The following LAP3 variants were observed in gnomAD, a reference collection of about 807,000 sequenced individuals.
The protein encoded by LAP3 is leucine aminopeptidase 3.
LAP3 carries 46 observed loss-of-function variants against 58.8 expected under a neutral mutation model. That is an observed-to-expected ratio of 0.78 (90% CI 0.62 to 1.00). The LOEUF (loss-of-function observed/expected upper bound fraction) is 1.00, where lower values mean the gene tolerates loss of function less well. LAP3 is among the 50% of genes least tolerant of loss of function. The probability of loss-of-function intolerance (pLI) is 0.00; values close to 1 mark genes in which losing one functional copy is unlikely to be tolerated. For synonymous variants in LAP3, 257 were observed against 237.7 expected (o/e 1.08, Z -0.75); for missense variants, 615 against 659.1 (o/e 0.93, Z 0.73).
At chr4:17,579,125 C>A (rs1229403033) in intron 1 of LAP3, among the ~76,000 whole-genome samples, 2 of 152,130 alleles carry the variant, frequency 1.3e-5, no homozygotes, top group Non-Finnish European at 2.9e-5. Flanking sequence ...AGCTTGTATA[C>A]CTTTTTAAAC....
chr4:17,606,799 A>T, intron 11 of LAP3, 30 bp from the exon 12 acceptor site: 2 of 1,494,208 alleles, frequency 1.3e-6, no homozygotes, highest in Non-Finnish European at 1.8e-6. Flanking sequence ...TGCCTCATCC[A>T]CTCTTCCACC....
chr4:17,586,649 A>T (rs1183136252), intron 6 of LAP3, among the ~76,000 whole-genome samples: 1 of 152,066 alleles, frequency 6.6e-6, no homozygotes, highest in Non-Finnish European at 1.5e-5. Flanking sequence ...GATCAGAGGG[A>T]TGAGGGGGAC....
At chr4:17,584,850 A>T in intron 5 of LAP3, 122 bp from the exon 6 acceptor site, 6 of 928,286 alleles carry the variant, frequency 6.5e-6, no homozygotes, top group Non-Finnish European at 9.5e-6. Flanking sequence ...CCTGTGTGCC[A>T]ATTGTTTTTG....
rs916325405 is a variant in LAP3 at position 17,588,911 on chromosome 4, A to G, written c.797A>G (p.Tyr266Cys). 3.1e-6 allele frequency: 5 copies of G among 1,613,996 alleles called. No individual in the cohort carries two copies. The highest frequency in any genetic ancestry group is 3.4e-6 in the Non-Finnish European group (4 of 1,180,038). Residue 266 changes from tyrosine to cysteine, a missense_variant, in exon 7 of 13, where the codon TAC becomes TGC. By Grantham distance (194) the Tyr-to-Cys change is radical (BLOSUM62 -2). Coordinates refer to ENST00000226299, the MANE Select transcript of LAP3 (RefSeq NM_015907.3). ...CCCCCAGTCTTCTTGGAAATTCACT[A>G]CAAAGGCAGCCCCAATGCAAACGAA... is the stretch of plus-strand genomic sequence containing the variant. ...DEPPVFLEIH[Y>C]KGSPNANEPP... is the part of the protein sequence containing the mutation.
At chr4:17,583,197 C>G (rs1279757128) in intron 4 of LAP3, among the ~76,000 whole-genome samples, 4 of 152,152 alleles carry the variant, frequency 2.6e-5, no homozygotes. Flanking sequence ...AGAAATAATC[C>G]TAGGAATAAT....
chr4:17,594,283 G>GT (rs1353103896), intron 7 of LAP3, among the ~76,000 whole-genome samples: 2 of 152,318 alleles, frequency 1.3e-5, no homozygotes, highest in East Asian at 3.9e-4. Flanking sequence ...ATACAACAGC[G>GT]TGTTCCCTTT....
Position 17,607,495 on chromosome 4 carries a change from A to C in LAP3, c.1466A>C (p.Lys489Thr). 6.2e-7 allele frequency: 1 copy of C among 1,614,166 alleles called. No homozygotes were observed. Among genetic ancestry groups the C allele is most frequent in the Non-Finnish European group, 8.5e-7 (1 of 1,180,024 alleles). Residue 489 changes from lysine to threonine, a missense_variant, in exon 13 of 13, where the codon AAA (lysine) becomes ACA (threonine). Coordinates refer to ENST00000226299, the MANE Select transcript of LAP3 (RefSeq NM_015907.3). Reference protein sequence around the residue: ...HLDIAGVMTNKDEVPYLRKGM... With the variant: ...HLDIAGVMTNTDEVPYLRKGM... ...GACATAGCAGGCGTGATGACCAACA[A>C]AGATGAAGTTCCCTATCTACGGAAA...
At chr4:17,595,346 T>A in intron 7 of LAP3, 64 bp from the exon 8 acceptor site, 6 of 1,588,324 alleles carry the variant, frequency 3.8e-6, no homozygotes, top group Non-Finnish European at 5.2e-6. Flanking sequence ...CTGTACTTTT[T>A]AAATAAAGTG....
intron 10 of LAP3, among the ~76,000 whole-genome samples, chr4:17,603,467 G>A (rs988250135): frequency 6.6e-6 from 1 of 151,648 alleles, no homozygotes; most frequent in Non-Finnish European, 1.5e-5. Flanking sequence ...AGACCAGCCT[G>A]AGCAACATAA....
intron 7 of LAP3, among the ~76,000 whole-genome samples, chr4:17,593,613 T>TTTTTTTC: frequency 7.5e-6 from 1 of 132,456 alleles, no homozygotes; most frequent in Non-Finnish European, 1.6e-5. Context: ...GCTTGGGTTT[T>TTTTTTTC]TTTTTTTTTT....
rs770490018 is a variant in LAP3 at position 17,607,407 on chromosome 4, G to A, written c.1378G>A (p.Gly460Arg). ...TTTTGTCTTTCTCTTCAGATCTGCA[G>A]GAGCATGTACAGCTGCAGCATTCCT... Reference protein sequence around the residue: ...VNNIGKYRSAGACTAAAFLKE... With the variant: ...VNNIGKYRSARACTAAAFLKE... The change falls in exon 13 of 13, where the codon GGA (glycine) becomes AGA (arginine). Residue 460 changes from glycine to arginine, a missense_variant. Gly to Arg is a moderately radical substitution (Grantham distance 125). Transcript: ENST00000226299. 104 of 1,611,734 alleles carry A rather than the reference G, an allele frequency of 6.5e-5. No individual in the cohort carries two copies. The highest frequency in any genetic ancestry group is 8.6e-5 in the Non-Finnish European group (102 of 1,179,292).
chr4:17,601,014 C>T (rs1477533045), intron 10 of LAP3, among the ~76,000 whole-genome samples: 1 of 152,152 alleles, frequency 6.6e-6, no homozygotes, highest in East Asian at 1.9e-4. Flanking sequence ...GAAAGGCAGG[C>T]CGTACCCCAG....
intron 7 of LAP3, among the ~76,000 whole-genome samples, chr4:17,590,482 G>A (rs1477970294): frequency 1.3e-5 from 2 of 152,164 alleles, no homozygotes; most frequent in Non-Finnish European, 2.9e-5. Flanking sequence ...TAGCCCATCA[G>A]TAAAAGATCT....
In LAP3 at chr4:17,578,896, T is replaced by C. The variant is rs372523353; in HGVS notation, c.103-928T>C. On this transcript the variant is annotated intron_variant, in intron 1 of 12. Coordinates refer to ENST00000226299, the MANE Select transcript of LAP3 (RefSeq NM_015907.3). ...ACGATGGGAGGCACAGCCATTGGCT[T>C]GACTGGAACGGCATCCTAGAATATC... Among the ~76,000 whole-genome samples the C allele has an allele frequency of 2.0e-5, 3 of 152,256 alleles. No individual in the cohort carries two copies. In the East Asian group the frequency reaches 5.8e-4, roughly 29 times the overall value.
Position 17,607,388 on chromosome 4 carries a change from C to T in LAP3, c.1371-12C>T, listed in dbSNP as rs1221747015. 3.7e-6 allele frequency: 6 copies of T among 1,602,380 alleles called. No individual in the cohort carries two copies. In the Admixed American group the frequency reaches 5.3e-5, roughly 14 times the overall value. On this transcript the variant is annotated splice_polypyrimidine_tract_variant and intron_variant, in intron 12 of 12. Coordinates refer to ENST00000226299, the MANE Select transcript of LAP3 (RefSeq NM_015907.3). Reference sequence around the variant, plus strand: ...CATGGGGTTGTAAAGTGCTTTTTGTCTTTCTCTTCAGATCTGCAGGAGCAT... The same window carrying T: ...CATGGGGTTGTAAAGTGCTTTTTGTTTTTCTCTTCAGATCTGCAGGAGCAT...
intron 1 of LAP3, among the ~76,000 whole-genome samples, chr4:17,578,503 A>G (rs768924016): frequency 2.0e-4 from 31 of 151,442 alleles, no homozygotes; most frequent in Non-Finnish European, 3.5e-4. Flanking sequence ...GGAAAGATCA[A>G]CTGCTGGGCG....
Position 17,607,607 on chromosome 4 carries a change from G to T in LAP3, c.*18G>T. 1 of 1,575,878 alleles carries T rather than the reference G, an allele frequency of 6.3e-7. No homozygotes were observed. Among genetic ancestry groups the T allele is most frequent in the Non-Finnish European group, 8.6e-7 (1 of 1,160,764 alleles). On this transcript the variant is annotated 3_prime_UTR_variant, in exon 13 of 13. Transcript: ENST00000226299. The stretch of plus-strand genomic sequence containing the variant: ...ATGCTTAGTTCAGATACTCAAAAAT[G>T]TCTTCACTCTGTCTTAAATTGGACA...
chr4:17,599,921 A>G (rs1301383647), intron 10 of LAP3, among the ~76,000 whole-genome samples: 1 of 152,146 alleles, frequency 6.6e-6, no homozygotes, highest in Non-Finnish European at 1.5e-5. Context: ...ACTTGGGGAC[A>G]ATTCCATTTG....
At chr4:17,598,392 C>G (rs2109022999) in intron 9 of LAP3, 64 bp from the exon 10 acceptor site, 1 of 1,182,804 alleles carries the variant, frequency 8.5e-7, no homozygotes, top group South Asian at 1.2e-5. Context: ...AACACTGTTG[C>G]AAGTGTCTAG....
Sources: allele counts gnomAD v4.1 joint callset (sites outside exome capture counted in the v4.1 genomes callset), GRCh38; gene constraint gnomAD v4.1.1; transcripts MANE v1.5; gene names NCBI Gene and HGNC (gene_info 2026-07-23, HGNC 2026-07-21).